TOPAZ1: variants seen among roughly 807,000 people sequenced by gnomAD.
TOPAZ1 encodes testis and ovary specific TOPAZ 1.
TOPAZ1 carries 66 observed loss-of-function variants against 172.2 expected under a neutral mutation model. That is an observed-to-expected ratio of 0.38 (90% confidence interval 0.31 to 0.47). The LOEUF is 0.47. Ranked by LOEUF, TOPAZ1 falls within the 20% of genes least tolerant of loss-of-function variation. The probability of loss-of-function intolerance (pLI) is 0.99; values close to 1 mark genes in which losing one functional copy is unlikely to be tolerated. For missense variants in TOPAZ1, 1,822 were observed against 1,972.4 expected, an observed-to-expected ratio of 0.92 and a Z score of 1.44; for synonymous variants, 681 against 683.9, an observed-to-expected ratio of 1.00 and a Z score of 0.07.
rs1446054734 is a variant in TOPAZ1 at position 44,328,275 on chromosome 3, A to T, written c.4701A>T (p.Pro1567=). The T allele has an allele frequency of 6.6e-7, 1 of 1,507,918 alleles. No individual in the cohort carries two copies. The highest frequency in any genetic ancestry group is 8.8e-7 in the Non-Finnish European group (1 of 1,131,890). 93.4% of individuals were successfully genotyped at this position (1,507,918 alleles called of 1,614,324 possible). The change falls in exon 19 of 20, where the codon CCA becomes CCT. Residue 1567 remains proline, a synonymous_variant. Transcript: ENST00000309765. ...YKSALSLGCY[P]PLEGNLYRKL... ...GTGCTCTTTCCTTGGGTTGCTACCC[A>T]CCATTGGAAGGAAATTTATACCGAA...
chr3:44,263,353 G>A lies in TOPAZ1; in HGVS notation c.3020+870G>A, dbSNP rs554987559. ...CATAGTGTAATTGCAGACTGCAAAGGTTTATCAACTTGACTCTAGCATAGC... is the reference window on the plus strand; with the variant it reads ...CATAGTGTAATTGCAGACTGCAAAGATTTATCAACTTGACTCTAGCATAGC... On this transcript the variant is annotated intron_variant, in intron 5 of 19. Coordinates refer to ENST00000309765, the MANE Select transcript of TOPAZ1 (RefSeq NM_001145030.2). Among the ~76,000 whole-genome samples, 5 of 152,274 alleles carry A rather than the reference G, an allele frequency of 3.3e-5. No homozygotes were observed. The East Asian group carries it at 9.6e-4, about 29-fold the overall frequency.
At chr3:44,247,372 C>T (rs908053182) in intron 2 of TOPAZ1, among the ~76,000 whole-genome samples, 3 of 152,188 alleles carry the variant, frequency 2.0e-5, no homozygotes, top group African/African-American at 7.2e-5. Flanking sequence ...GGAAACTTGT[C>T]TAAAAGTTTG....
chr3:44,253,944 A>G (rs1261293735), intron 2 of TOPAZ1, among the ~76,000 whole-genome samples: 3 of 152,112 alleles, frequency 2.0e-5, no homozygotes, highest in Non-Finnish European at 4.4e-5. Context: ...GTGTACTTTG[A>G]TATGTTTTAA....
intron 12 of TOPAZ1, 81 bp from the exon 13 acceptor site, chr3:44,303,934 A>G: frequency 1.4e-6 from 1 of 725,620 alleles, no homozygotes; most frequent in Non-Finnish European, 2.1e-6. Context: ...TTTCTTATAA[A>G]CCATAGGACA....
At chr3:44,285,778 C>T (rs935474894) in intron 9 of TOPAZ1, among the ~76,000 whole-genome samples, 3 of 150,842 alleles carry the variant, frequency 2.0e-5, no homozygotes, top group African/African-American at 7.3e-5. Flanking sequence ...ACCCTGTTGG[C>T]CAGGCTGGTC....
At chr3:44,289,145 G>C (rs1700108895) in intron 11 of TOPAZ1, among the ~76,000 whole-genome samples, 1 of 152,196 alleles carries the variant, frequency 6.6e-6, no homozygotes, top group South Asian at 2.1e-4. Flanking sequence ...AGGCATGTCA[G>C]TTACCAGATA....
intron 11 of TOPAZ1, among the ~76,000 whole-genome samples, chr3:44,289,994 T>G (rs1700119047): frequency 6.6e-6 from 1 of 152,178 alleles, no homozygotes; most frequent in Admixed American, 6.5e-5. Flanking sequence ...TCTAAATCCT[T>G]GTCCAGGGTA....
chr3:44,326,201 T>C (rs1700599057), intron 18 of TOPAZ1, among the ~76,000 whole-genome samples: 1 of 152,212 alleles, frequency 6.6e-6, no homozygotes, highest in Admixed American at 6.5e-5. Flanking sequence ...AAATCTATAT[T>C]TAGCTTTTTG....
rs778855845 is a variant in TOPAZ1 at position 44,245,027 on chromosome 3, ATAAC to A, written c.2525_2528del (p.Thr842ArgfsTer6). On this transcript the variant is annotated frameshift_variant, in exon 2 of 20. Transcript: ENST00000309765. LOFTEE classifies it high-confidence loss of function. ...GTCCAGTGAAGTTAGGGGTAGAAAAATAACTAAGAATTTTTCAGAGGTAGGGTTT... is the reference window on the plus strand; with the variant it reads ...GTCCAGTGAAGTTAGGGGTAGAAAAATAAGAATTTTTCAGAGGTAGGGTTT... The A allele has an allele frequency of 6.4e-7, 1 of 1,551,690 alleles. No individual in the cohort carries two copies. The highest frequency in any genetic ancestry group is 1.4e-5 in the African/African-American group (1 of 73,176).
chr3:44,305,529 T>C (rs1488640), intron 14 of TOPAZ1, among the ~76,000 whole-genome samples: 150,825 of 152,224 alleles, frequency 0.99, 74,722 homozygotes, highest in East Asian at 1. Flanking sequence ...ATCACTACAC[T>C]CAGCTAATTT....
chr3:44,309,736 C>T, intron 15 of TOPAZ1, 89 bp from the exon 16 acceptor site: 1 of 972,148 alleles, frequency 1.0e-6, no homozygotes, highest in Non-Finnish European at 1.5e-6. Context: ...ATGATTCAAA[C>T]TGGATACTTG....
chr3:44,244,042 G>C lies in TOPAZ1; in HGVS notation c.1536G>C (p.Leu512Phe). 1.3e-6 allele frequency: 2 copies of C among 1,551,814 alleles called. No individual in the cohort carries two copies. The highest frequency in any genetic ancestry group is 1.2e-5 in the South Asian group (1 of 84,006). The change falls in exon 2 of 20, where the codon TTG becomes TTC. Residue 512 changes from leucine (L) to phenylalanine (F), a missense_variant. Physicochemically the swap from Leu to Phe is conservative, Grantham distance 22. This residue lies in a region of TOPAZ1 where 1,489 missense variants were observed against 1,490.8 expected (regional missense o/e 1.00). Transcript: ENST00000309765. ...ISAWCWKKAS[L>F]PESSYFLRGS... The stretch of plus-strand genomic sequence containing the variant: ...CCTGGTGTTGGAAAAAGGCTTCCTT[G>C]CCAGAATCAAGTTACTTTCTTCGTG...
At chr3:44,330,517 C>T (rs1700655896) in intron 19 of TOPAZ1, among the ~76,000 whole-genome samples, 1 of 152,194 alleles carries the variant, frequency 6.6e-6, no homozygotes, top group African/African-American at 2.4e-5. Context: ...TTGGCATCTG[C>T]ACCACCTACC....
chr3:44,255,087 C>A, intron 3 of TOPAZ1, 58 bp downstream of exon 3: 2 of 1,241,882 alleles, frequency 1.6e-6, no homozygotes, highest in South Asian at 2.6e-5. Flanking sequence ...TATCTCCATT[C>A]AGGCCTAGTC....
intron 9 of TOPAZ1, among the ~76,000 whole-genome samples, chr3:44,287,130 A>G (rs568930267): frequency 6.6e-6 from 1 of 152,300 alleles, no homozygotes; most frequent in East Asian, 1.9e-4. Context: ...ATGTATGGGA[A>G]TGGCAGTTTG....
rs559603557 is a variant in TOPAZ1, at chr3:44,252,678, G to A, written c.2766-2290G>A. ...TCCCTTTCTTTGCATTCAGTTATCCGTCAGTCACATCTGAGATATTATTCC... is the reference window on the plus strand; with the variant it reads ...TCCCTTTCTTTGCATTCAGTTATCCATCAGTCACATCTGAGATATTATTCC... On this transcript the variant is annotated intron_variant, in intron 2 of 19. Transcript: ENST00000309765. Among the ~76,000 whole-genome samples, 8 of 152,276 alleles carry A rather than the reference G, an allele frequency of 5.3e-5. No homozygotes were observed. The East Asian group carries it at 9.7e-4, about 18-fold the overall frequency.
downstream of TOPAZ1, among the ~76,000 whole-genome samples, chr3:44,335,455 C>G (rs1700712571): frequency 6.6e-6 from 1 of 152,084 alleles, no homozygotes; most frequent in Non-Finnish European, 1.5e-5. Flanking sequence ...GAAACCCTGA[C>G]TCTACTAAAA....
chr3:44,313,990 C>G (rs1700425012), intron 16 of TOPAZ1, among the ~76,000 whole-genome samples: 1 of 152,178 alleles, frequency 6.6e-6, no homozygotes, highest in Non-Finnish European at 1.5e-5. Context: ...TCTTATCTCT[C>G]TGCTAGTTTG....
intron 19 of TOPAZ1, among the ~76,000 whole-genome samples, chr3:44,330,062 C>T (rs749393655): frequency 7.9e-5 from 12 of 152,208 alleles, no homozygotes; most frequent in Non-Finnish European, 1.3e-4. Flanking sequence ...CACTTCTGTT[C>T]TCCTTTTTTG....
Sources: gnomAD v4.1 joint callset for allele counts (sites outside exome capture counted in the v4.1 genomes callset) on GRCh38, gnomAD v4.1.1 for gene constraint, gnomAD v4.1.1 regional missense constraint, MANE v1.5 for transcripts, NCBI Gene and HGNC (gene_info 2026-07-23, HGNC 2026-07-21) for gene names.